Variants in PSPC1 observed in about 807,000 individuals in gnomAD.
PSPC1 encodes paraspeckle protein 1.
In PSPC1, 14 loss-of-function variants were observed where a neutral mutation model predicts 51.6. That is an observed-to-expected ratio of 0.27 (90% CI 0.18 to 0.42). PSPC1 has a LOEUF of 0.42. Ranked by LOEUF, PSPC1 falls within the 10% of genes least tolerant of loss-of-function variation. The probability of loss-of-function intolerance (pLI) is 1.00; values close to 1 mark genes in which losing one functional copy is unlikely to be tolerated. For missense variants in PSPC1, 406 were observed against 701.1 expected, an observed-to-expected ratio of 0.58 and a Z score of 4.75; for synonymous variants, 193 against 231.9, an observed-to-expected ratio of 0.83 and a Z score of 1.53.
rs999191051 is a variant in PSPC1 at position 19,782,813 on chromosome 13, C to CTA, written c.-58_-57dup. 5 of 1,477,032 alleles carry CTA rather than the reference C, an allele frequency of 3.4e-6. No homozygotes were observed. The South Asian group carries it at 5.6e-5, about 16-fold the overall frequency. The allele number at this position is 1,477,032 out of a possible 1,614,324, so 91.5% of individuals were successfully genotyped here. On this transcript the variant is annotated 5_prime_UTR_variant, in exon 1 of 9. Transcript: ENST00000338910. The surrounding 1 kb of genome is among the most constrained non-coding windows in gnomAD (Gnocchi z 4.5). ...AGGCCTAGATTTATAGACAGTGTGT[C>CTA]TATATATATGTATACGTCTCTACAT...
chr13:19,735,017 A>G (rs1186092464), intron 5 of PSPC1, among the ~76,000 whole-genome samples: 2 of 151,906 alleles, frequency 1.3e-5, no homozygotes, highest in African/African-American at 4.8e-5. Context: ...AAACAAAGAA[A>G]GGAAGGAAGT....
At chr13:19,696,308 GTC>G (rs1879230372) in intron 6 of PSPC1, among the ~76,000 whole-genome samples, 2 of 152,030 alleles carry the variant, frequency 1.3e-5, no homozygotes, top group African/African-American at 4.8e-5. Flanking sequence ...ACACATCAAA[GTC>G]AATGTTATAG....
At chr13:19,685,110 T>C (rs529407587) in intron 6 of PSPC1, among the ~76,000 whole-genome samples, 2 of 152,356 alleles carry the variant, frequency 1.3e-5, no homozygotes, top group South Asian at 2.1e-4. Context: ...AGCCGTAACA[T>C]GTAGTTGTAA....
chr13:19,776,421 A>G (rs1422967607), intron 1 of PSPC1, among the ~76,000 whole-genome samples: 1 of 152,106 alleles, frequency 6.6e-6, no homozygotes, highest in East Asian at 1.9e-4. Flanking sequence ...AGCCATGATC[A>G]TGCCACTGCA....
chr13:19,693,105 A>G (rs561547268), intron 6 of PSPC1, among the ~76,000 whole-genome samples: 1 of 152,294 alleles, frequency 6.6e-6, no homozygotes, highest in South Asian at 2.1e-4. Context: ...AACCAGTCTT[A>G]GCGTCCTCCC....
At chr13:19,674,157 T>TAAC (rs1876354784), downstream of PSPC1, among the ~76,000 whole-genome samples, 1 of 152,190 alleles carries the variant, frequency 6.6e-6, no homozygotes, top group African/African-American at 2.4e-5. Context: ...AAGGACAACA[T>TAAC]AACTTGGCTA....
downstream of PSPC1, chr13:19,673,098 GTTTTTTTTTT>G: frequency 2.5e-6 from 1 of 407,570 alleles, no homozygotes; most frequent in African/African-American, 2.2e-5. Context: ...GTTTTTTTTT[GTTTTTTTTTT>G]TTGAAAAGCC....
In PSPC1 at chr13:19,730,969, A is replaced by AAAGAAAAAAAAAAC. The variant is rs1555236510; in HGVS notation, c.1053-626_1053-625insGTTTTTTTTTTCTT. 1.4e-5 allele frequency among the ~76,000 whole-genome samples: 2 copies of AAAGAAAAAAAAAAC among 146,608 alleles called. 1 individual carries two copies. The highest frequency in any genetic ancestry group is 3.0e-5 in the Non-Finnish European group (2 of 66,180). ...CAGAAAAAAAAAACAAAAAAACAAA[A>AAAGAAAAAAAAAAC]AAAAAAAAAACAGAAAAAGTCTGAG... is the stretch of plus-strand genomic sequence containing the variant. On this transcript the variant is annotated intron_variant, in intron 5 of 8. Coordinates refer to ENST00000338910, the MANE Select transcript of PSPC1 (RefSeq NM_001354909.2).
intron 2 of PSPC1, among the ~76,000 whole-genome samples, chr13:19,771,509 C>A (rs1052831961): frequency 6.6e-6 from 1 of 152,112 alleles, no homozygotes; most frequent in African/African-American, 2.4e-5. Context: ...GATCTGGGAT[C>A]ACTGCAACCT....
intron 2 of PSPC1, among the ~76,000 whole-genome samples, chr13:19,767,411 CAATTCCCTAAACCCTA>C (rs1202557815): frequency 2.0e-5 from 3 of 152,166 alleles, no homozygotes; most frequent in African/African-American, 7.2e-5. Flanking sequence ...TTTTAGGGAT[CAATTCCCTAAACCCTA>C]AATTCCCTAA....
intron 6 of PSPC1, among the ~76,000 whole-genome samples, chr13:19,680,015 T>G (rs1877093652): frequency 6.6e-6 from 1 of 152,142 alleles, no homozygotes; most frequent in Non-Finnish European, 1.5e-5. Flanking sequence ...TTTTTAAATT[T>G]TTATGTATTT....
chr13:19,736,372 A>G (rs930247740), intron 5 of PSPC1, among the ~76,000 whole-genome samples: 1 of 152,132 alleles, frequency 6.6e-6, no homozygotes, highest in Admixed American at 6.6e-5. Flanking sequence ...CATAATAAAA[A>G]AAATCACGCA....
At chr13:19,682,788 A>C (rs1877417819) in intron 6 of PSPC1, among the ~76,000 whole-genome samples, 1 of 152,122 alleles carries the variant, frequency 6.6e-6, no homozygotes, top group African/African-American at 2.4e-5. Context: ...CTAGACTGAC[A>C]GTATGGCTCA....
At chr13:19,707,602 T>TAAA (rs1327989670) in intron 7 of PSPC1, among the ~76,000 whole-genome samples, 1 of 152,164 alleles carries the variant, frequency 6.6e-6, no homozygotes, top group African/African-American at 2.4e-5. Context: ...AACTGGGCTT[T>TAAA]AGGAGAGTTA....
At chr13:19,710,949 T>C (rs1881325602) in intron 6 of PSPC1, among the ~76,000 whole-genome samples, 2 of 152,042 alleles carry the variant, frequency 1.3e-5, no homozygotes, top group Non-Finnish European at 2.9e-5. Flanking sequence ...GTGATCCTCC[T>C]GCCTCAGCTT....
chr13:19,700,714 T>A (rs1373633895), downstream of PSPC1, among the ~76,000 whole-genome samples: 1 of 152,066 alleles, frequency 6.6e-6, no homozygotes, highest in Non-Finnish European at 1.5e-5. Context: ...GTACTTCAAA[T>A]CATCACACAA....
At chr13:19,691,881 G>A (rs956756526) in intron 6 of PSPC1, among the ~76,000 whole-genome samples, 1 of 152,126 alleles carries the variant, frequency 6.6e-6, no homozygotes, top group Non-Finnish European at 1.5e-5. Flanking sequence ...TTGCACCACT[G>A]TACCCTAGAC....
chr13:19,672,782 A>G (rs1876208727), downstream of PSPC1: 2 of 229,348 alleles, frequency 8.7e-6, no homozygotes, highest in Admixed American at 4.9e-5. Flanking sequence ...CCAGTACACT[A>G]TGAGACCTAA....
intron 3 of PSPC1, among the ~76,000 whole-genome samples, chr13:19,755,244 A>G (rs967828668): frequency 6.6e-6 from 1 of 151,588 alleles, no homozygotes; most frequent in Non-Finnish European, 1.5e-5. Context: ...TCAAAAAAAA[A>G]AAGAAAAGAA....
Sources: allele counts gnomAD v4.1 joint callset (sites outside exome capture counted in the v4.1 genomes callset), GRCh38; gene constraint gnomAD v4.1.1; non-coding constraint Gnocchi (gnomAD v3.1); transcripts MANE v1.5; gene names NCBI Gene and HGNC (gene_info 2026-07-23, HGNC 2026-07-21).